HUNK: variants seen among roughly 807,000 people sequenced by gnomAD.
HUNK encodes the protein hormonally up-regulated neu tumor-associated kinase.
In HUNK, 21 loss-of-function variants were observed where a neutral mutation model predicts 61.0. That is an observed-to-expected ratio of 0.34 (90% CI 0.24 to 0.50). The LOEUF (loss-of-function observed/expected upper bound fraction) is 0.50, where lower values mean the gene tolerates loss of function less well. HUNK is among the 20% of genes least tolerant of loss of function. HUNK has a pLI of 0.98. For missense variants in HUNK, 772 were observed against 945.7 expected (o/e 0.82, Z 2.41); for synonymous variants, 371 against 386.1 (o/e 0.96, Z 0.46).
intron 2 of HUNK, among the ~76,000 whole-genome samples, chr21:31,936,398 A>T (rs1011988684): frequency 1.3e-5 from 2 of 152,232 alleles, no homozygotes; most frequent in African/African-American, 2.4e-5. Flanking sequence ...GCCAAAGGCT[A>T]TTGAATGTTC....
At chr21:31,951,183 T>C (rs2052847202) in intron 4 of HUNK, among the ~76,000 whole-genome samples, 1 of 147,664 alleles carries the variant, frequency 6.8e-6, no homozygotes, top group Non-Finnish European at 1.5e-5. Context: ...CCCCAGATTA[T>C]ATGTATAAAT....
intron 1 of HUNK, among the ~76,000 whole-genome samples, chr21:31,915,111 A>T (rs1165153956): frequency 6.6e-6 from 1 of 151,324 alleles, no homozygotes; most frequent in South Asian, 2.1e-4. Context: ...TTCATTCCAA[A>T]TACTCCAGTG....
intron 4 of HUNK, among the ~76,000 whole-genome samples, chr21:31,952,853 T>G (rs187794386): frequency 1.7e-4 from 26 of 152,046 alleles, no homozygotes; most frequent in African/African-American, 6.3e-4. Context: ...GAAAAACCCC[T>G]GGTCGTATTT....
chr21:31,942,070 C>T (rs2052772384), intron 3 of HUNK, among the ~76,000 whole-genome samples: 1 of 152,160 alleles, frequency 6.6e-6, no homozygotes, highest in Non-Finnish European at 1.5e-5. Context: ...AGTAGCCAGG[C>T]GTGGTAGCGT....
intron 1 of HUNK, among the ~76,000 whole-genome samples, chr21:31,923,198 CT>C (rs1457898634): frequency 6.6e-6 from 1 of 152,132 alleles, no homozygotes; most frequent in African/African-American, 2.4e-5. Context: ...GACGCCGGTG[CT>C]TTGGGAGGCT....
chr21:31,922,692 C>A (rs1360907117), intron 1 of HUNK, among the ~76,000 whole-genome samples: 1 of 152,204 alleles, frequency 6.6e-6, no homozygotes, highest in African/African-American at 2.4e-5. Context: ...TACATTGGAT[C>A]TCAGACTTCT....
chr21:31,876,349 C>T (rs1342338341), intron 1 of HUNK, among the ~76,000 whole-genome samples: 5 of 152,178 alleles, frequency 3.3e-5, no homozygotes, highest in South Asian at 2.1e-4. Context: ...GATTTTAGTT[C>T]ACTCAATTGC....
chr21:31,900,068 C>T (rs1438205752), intron 1 of HUNK, among the ~76,000 whole-genome samples: 1 of 152,044 alleles, frequency 6.6e-6, no homozygotes, highest in Non-Finnish European at 1.5e-5. Context: ...AGCCACTGCT[C>T]CCAGCCTCTG....
chr21:31,993,675 T>A (rs1439600574), intron 9 of HUNK, among the ~76,000 whole-genome samples: 2 of 152,198 alleles, frequency 1.3e-5, no homozygotes, highest in African/African-American at 4.8e-5. Flanking sequence ...TGTAAGCGTG[T>A]GTGCAAAAGC....
chr21:31,956,889 A>G (rs2052893106), intron 4 of HUNK, among the ~76,000 whole-genome samples: 3 of 152,126 alleles, frequency 2.0e-5, no homozygotes, highest in African/African-American at 7.2e-5. Context: ...TACGTTTTCC[A>G]CTAAACACAC....
At chr21:31,985,599 A>T (rs935469617) in intron 8 of HUNK, among the ~76,000 whole-genome samples, 18 of 152,130 alleles carry the variant, frequency 1.2e-4, no homozygotes, top group African/African-American at 4.3e-4. Flanking sequence ...ACAGGGCTGG[A>T]GGTGGCCGGC....
At chr21:31,951,672 C>T (rs1396223676) in intron 4 of HUNK, among the ~76,000 whole-genome samples, 3 of 152,198 alleles carry the variant, frequency 2.0e-5, no homozygotes, top group Non-Finnish European at 4.4e-5. Context: ...ATCCCTGTCT[C>T]CAGTGCTGTA....
At chr21:31,990,278 G>A (rs2053163156) in intron 9 of HUNK, 102 bp downstream of exon 9, 1 of 1,141,890 alleles carries the variant, frequency 8.8e-7, no homozygotes, top group Non-Finnish European at 1.3e-6. Flanking sequence ...TTTATTTTAA[G>A]GAGTTGGCTC....
intron 4 of HUNK, among the ~76,000 whole-genome samples, chr21:31,955,906 G>A (rs1216079642): frequency 6.6e-6 from 1 of 152,236 alleles, no homozygotes; most frequent in Non-Finnish European, 1.5e-5. Context: ...GAGGTGGTGA[G>A]CAGGGACAGA....
At chr21:31,892,620 G>A (rs371641299) in intron 1 of HUNK, among the ~76,000 whole-genome samples, 109 of 151,158 alleles carry the variant, frequency 7.2e-4, no homozygotes, top group African/African-American at 2.6e-3. Context: ...ATGGTAGTTG[G>A]TTGTTCTCTT....
At position 31,995,935 on chromosome 21, in the gene HUNK, C is replaced by T. The variant is rs201787585; in HGVS notation, c.1473C>T (p.Ser491=). The T allele has an allele frequency of 2.5e-5, 41 of 1,613,106 alleles. No homozygotes were observed. Among genetic ancestry groups the T allele is most frequent in the African/African-American group, 1.3e-5 (1 of 74,892 alleles). The change falls in exon 10 of 11, where the codon AGC becomes AGT. Residue 491 remains serine (S), a synonymous_variant. Transcript: ENST00000270112. Reference sequence around the variant, plus strand: ...AGGACCGGAAGGCCTCCAAGTCCAGCTTCCCCGACAAAGGTGGGTCAGCTC... The same window carrying T: ...AGGACCGGAAGGCCTCCAAGTCCAGTTTCCCCGACAAAGGTGGGTCAGCTC... ...LLKDRKASKS[S]FPDKDSFGCR...
At chr21:31,955,232 C>T (rs2052880281) in intron 4 of HUNK, among the ~76,000 whole-genome samples, 1 of 151,474 alleles carries the variant, frequency 6.6e-6, no homozygotes, top group African/African-American at 2.4e-5. Context: ...CTGCTTCCTT[C>T]TCATTAGGCT....
At chr21:31,953,322 A>G (rs940294565) in intron 4 of HUNK, among the ~76,000 whole-genome samples, 3 of 150,674 alleles carry the variant, frequency 2.0e-5, no homozygotes, top group South Asian at 2.1e-4. Context: ...ACAACCTCCA[A>G]CTCCCGGGTT....
chr21:31,944,235 G>A (rs35950975), intron 3 of HUNK, among the ~76,000 whole-genome samples: 19,466 of 152,134 alleles, frequency 0.13, 1,291 homozygotes, highest in East Asian at 0.22. Context: ...GTGCGCCTCC[G>A]CGCCTGGCTA....
Sources: allele counts gnomAD v4.1 joint callset (sites outside exome capture counted in the v4.1 genomes callset), GRCh38; gene constraint gnomAD v4.1.1; transcripts MANE v1.5; gene names NCBI Gene and HGNC (gene_info 2026-07-23, HGNC 2026-07-21).